NLRP14: variants seen among roughly 807,000 people sequenced by gnomAD.
NLRP14 encodes NACHT, LRR and PYD domains-containing protein 14.
A neutral mutation model predicts 94.7 loss-of-function variants in NLRP14; 105 were observed. The ratio of observed to expected loss-of-function variants is 1.11; its 90% CI spans 0.95 to 1.30. The LOEUF (loss-of-function observed/expected upper bound fraction) is 1.30, where lower values mean the gene tolerates loss of function less well. Ranked by LOEUF, NLRP14 falls within the 50% of genes most tolerant of loss-of-function variation. The pLI is 0.00. For synonymous variants in NLRP14, 508 were observed against 459.9 expected (o/e 1.10, Z -1.34); for missense variants, 1,362 against 1,254.1 (o/e 1.09, Z -1.30).
the NLRP14 span, chr11:7,090,073 C>G: frequency 6.2e-7 from 1 of 1,612,278 alleles, no homozygotes; most frequent in South Asian, 1.1e-5. Flanking sequence ...TCACCCGATG[C>G]CTACAGCGGC....
chr11:7,054,410 T>G (rs1602570), intron 6 of NLRP14, among the ~76,000 whole-genome samples: 1 of 151,988 alleles, frequency 6.6e-6, no homozygotes, highest in African/African-American at 2.4e-5. Flanking sequence ...GTTGTGTTAA[T>G]TTACACTGCT....
chr11:7,071,285 G>A lies in NLRP14; in HGVS notation c.3259G>A (p.Val1087Met). 3.7e-6 allele frequency: 6 copies of A among 1,613,356 alleles called. No individual in the cohort carries two copies. Among genetic ancestry groups the A allele is most frequent in the Non-Finnish European group, 5.1e-6 (6 of 1,179,546 alleles). ...PDCNYHNEED[V>M]SWWWCF ...TTGTAACTATCATAATGAAGAAGAT[G>A]TGTCTTGGTGGTGGTGTTTCTGATT... The change falls in exon 12 of 12, where the codon GTG becomes ATG. Residue 1087 changes from valine (V) to methionine (M), a missense_variant. By Grantham distance (21) the Val-to-Met change is conservative (BLOSUM62 1). Coordinates refer to ENST00000299481, the MANE Select transcript of NLRP14 (RefSeq NM_176822.4).
chr11:7,041,417 G>T (rs1852246874), intron 3 of NLRP14, among the ~76,000 whole-genome samples: 1 of 152,020 alleles, frequency 6.6e-6, no homozygotes, highest in African/African-American at 2.4e-5. Context: ...GATACATAAA[G>T]TTTGTTCATC....
chr11:7,043,466 C>T lies in NLRP14; in HGVS notation c.1440C>T (p.His480=), dbSNP rs1023886489. Residue 480 remains histidine (H), a synonymous_variant, in exon 4 of 12, where the codon CAC becomes CAT. Coordinates refer to ENST00000299481, the MANE Select transcript of NLRP14 (RefSeq NM_176822.4). The part of the protein sequence containing the change: ...AEYENCYVFT[H]LHVQEFFAAM... ...ATGAAAACTGCTATGTGTTCACCCA[C>T]CTTCATGTTCAGGAGTTTTTTGCAG... The T allele has an allele frequency of 1.9e-6, 3 of 1,614,058 alleles. No homozygotes were observed. The highest frequency in any genetic ancestry group is 2.5e-6 in the Non-Finnish European group (3 of 1,180,038).
downstream of NLRP14, among the ~76,000 whole-genome samples, chr11:7,073,393 A>G (rs74604218): frequency 3.8e-3 from 578 of 152,332 alleles, 3 homozygotes; most frequent in East Asian, 0.026. Context: ...GTCAATTCCC[A>G]TGCAGTTCTG....
intron 1 of NLRP14, among the ~76,000 whole-genome samples, chr11:7,035,333 C>T (rs138911449): frequency 5.9e-5 from 9 of 151,956 alleles, no homozygotes; most frequent in Admixed American, 2.0e-4. Flanking sequence ...TCCAAAAAAA[C>T]GAAGTTGTTC....
intron 6 of NLRP14, among the ~76,000 whole-genome samples, chr11:7,050,694 G>A (rs1552724): frequency 0.58 from 88,163 of 151,988 alleles, 26,474 homozygotes; most frequent in East Asian, 0.86. Context: ...TTTCTTTGAC[G>A]TTTTAAAAAC....
chr11:7,044,285 T>C (rs1852318530), intron 4 of NLRP14, among the ~76,000 whole-genome samples: 1 of 152,162 alleles, frequency 6.6e-6, no homozygotes, highest in African/African-American at 2.4e-5. Flanking sequence ...GAATGAGCAC[T>C]TCAGTCTTCA....
At chr11:7,036,175 C>T (rs938132469) in intron 1 of NLRP14, among the ~76,000 whole-genome samples, 2 of 152,116 alleles carry the variant, frequency 1.3e-5, no homozygotes. Flanking sequence ...AATAAATTTG[C>T]AAATTAAAAT....
At chr11:7,090,686 A>C in the NLRP14 span, 1 of 305,504 alleles carries the variant, frequency 3.3e-6, no homozygotes, top group African/African-American at 2.2e-5. Context: ...CATTCTGCTC[A>C]TTTAAACCAA....
chr11:7,022,360 C>T (rs968935764), intron 1 of NLRP14, among the ~76,000 whole-genome samples: 1 of 152,100 alleles, frequency 6.6e-6, no homozygotes, highest in African/African-American at 2.4e-5. Context: ...GAGGGATAGC[C>T]CAAGTTCCTA....
chr11:7,033,015 G>C (rs1187262053), intron 1 of NLRP14, among the ~76,000 whole-genome samples: 4 of 152,046 alleles, frequency 2.6e-5, no homozygotes, highest in Non-Finnish European at 5.9e-5. Flanking sequence ...TTTTATAATA[G>C]CTACTTCATA....
chr11:7,084,122 A>G, the NLRP14 span, among the ~76,000 whole-genome samples: 1 of 152,190 alleles, frequency 6.6e-6, no homozygotes, highest in East Asian at 1.9e-4. Context: ...TGAAACTGCT[A>G]TTTATAAACC....
chr11:7,084,820 C>T, the NLRP14 span, among the ~76,000 whole-genome samples: 1 of 152,186 alleles, frequency 6.6e-6, no homozygotes, highest in Non-Finnish European at 1.5e-5. Context: ...GTAGCCAAGT[C>T]GGATAAGCAG....
chr11:7,090,290 C>G, the NLRP14 span: 2 of 1,597,964 alleles, frequency 1.3e-6, no homozygotes, highest in Admixed American at 3.5e-5. Context: ...GAGGCCGGAG[C>G]AGATACTAAG....
chr11:7,056,948 G>C (rs1852524766), intron 6 of NLRP14, among the ~76,000 whole-genome samples: 1 of 151,920 alleles, frequency 6.6e-6, no homozygotes, highest in South Asian at 2.1e-4. Flanking sequence ...TATAGACCCT[G>C]ATTTTGATGA....
At chr11:7,065,852 C>G (rs948275128) in intron 10 of NLRP14, among the ~76,000 whole-genome samples, 3 of 152,174 alleles carry the variant, frequency 2.0e-5, no homozygotes, top group East Asian at 1.9e-4. Context: ...AATGCTATCC[C>G]TCTGCTAGCC....
chr11:7,080,833 G>A, the NLRP14 span, among the ~76,000 whole-genome samples: 2 of 152,228 alleles, frequency 1.3e-5, no homozygotes, highest in South Asian at 2.1e-4. Context: ...GTTAAAACAT[G>A]AGAGGTGCTC....
chr11:7,074,751 G>A (rs376410479), downstream of NLRP14, among the ~76,000 whole-genome samples: 42 of 152,288 alleles, frequency 2.8e-4, no homozygotes, highest in African/African-American at 1.0e-3. Flanking sequence ...AGGAAAAATA[G>A]GGGTCACAGG....
Sources: allele counts gnomAD v4.1 joint callset (sites outside exome capture counted in the v4.1 genomes callset), GRCh38; gene constraint gnomAD v4.1.1; transcripts MANE v1.5; gene names NCBI Gene and HGNC (gene_info 2026-07-23, HGNC 2026-07-21).